FERMT2: variants seen among roughly 807,000 people sequenced by gnomAD.
The protein encoded by FERMT2 is FERM domain containing kindlin 2.
Under a neutral mutation model 82.7 loss-of-function variants are expected in FERMT2, and 15 were observed. That is an observed-to-expected ratio of 0.18 (90% CI 0.12 to 0.28). The LOEUF is 0.28. FERMT2 is among the 10% of genes least tolerant of loss of function. FERMT2 has a pLI of 1.00. For missense variants in FERMT2, 645 were observed against 809.4 expected (o/e 0.80, Z 2.46); for synonymous variants, 274 against 271.5 (o/e 1.01, Z -0.09).
At chr14:52,906,354 T>A (rs961447939) in intron 3 of FERMT2, among the ~76,000 whole-genome samples, 1 of 152,202 alleles carries the variant, frequency 6.6e-6, no homozygotes, top group African/African-American at 2.4e-5. Flanking sequence ...CCCAGAAGAC[T>A]ATGACCTCAG....
intron 4 of FERMT2, among the ~76,000 whole-genome samples, chr14:52,890,573 T>C (rs954589306): frequency 2.6e-5 from 4 of 151,866 alleles, no homozygotes; most frequent in African/African-American, 9.7e-5. Flanking sequence ...TTTCTTACTA[T>C]GTCACAATAT....
intron 3 of FERMT2, among the ~76,000 whole-genome samples, chr14:52,912,166 C>T (rs1011367260): frequency 4.6e-5 from 7 of 152,136 alleles, no homozygotes; most frequent in African/African-American, 1.7e-4. Flanking sequence ...TTTTATGTAC[C>T]TCCTAGATTT....
chr14:52,928,938 C>T (rs1889435313), intron 2 of FERMT2, among the ~76,000 whole-genome samples: 1 of 152,154 alleles, frequency 6.6e-6, no homozygotes, highest in African/African-American at 2.4e-5. Context: ...GAACCGTGTG[C>T]TTCTTTCCTT....
chr14:52,913,500 C>T (rs1888441134), intron 3 of FERMT2, among the ~76,000 whole-genome samples: 1 of 152,126 alleles, frequency 6.6e-6, no homozygotes, highest in African/African-American at 2.4e-5. Flanking sequence ...TTCTGATGTG[C>T]ACGTAACCTA....
At chr14:52,898,576 G>T (rs1887435252) in intron 3 of FERMT2, among the ~76,000 whole-genome samples, 1 of 152,094 alleles carries the variant, frequency 6.6e-6, no homozygotes, top group African/African-American at 2.4e-5. Flanking sequence ...AGATCTAATG[G>T]TTTATGAATT....
Position 52,892,159 on chromosome 14 carries a change from G to GGTTTTTTTTTTTTT in FERMT2, c.526+1133_526+1134insAAAAAAAAAAAAAC, listed in dbSNP as rs1555368978. 5.7e-4 allele frequency among the ~76,000 whole-genome samples: 45 copies of GGTTTTTTTTTTTTT among 78,816 alleles called. 2 individuals carry two copies. Among genetic ancestry groups the GGTTTTTTTTTTTTT allele is most frequent in the African/African-American group, 1.6e-3 (42 of 25,546 alleles). The allele number at this position is 78,816 out of a possible 152,430, so 51.7% of individuals were successfully genotyped here. ...GAATATGCAAAGCAGAGAGAAGGCTGTTTTTTGTTTTTTTTTTTTTTTTTT... is the reference window on the plus strand; with the variant it reads ...GAATATGCAAAGCAGAGAGAAGGCTGGTTTTTTTTTTTTTTTTTTTGTTTTTTTTTTTTTTTTTT... On this transcript the variant is annotated intron_variant, in intron 4 of 14. Coordinates refer to ENST00000341590, the MANE Select transcript of FERMT2 (RefSeq NM_006832.3).
intron 2 of FERMT2, among the ~76,000 whole-genome samples, chr14:52,941,488 T>G (rs1304201398): frequency 6.6e-6 from 1 of 152,164 alleles, no homozygotes; most frequent in Non-Finnish European, 1.5e-5. Flanking sequence ...ATTATGCAAC[T>G]AATTTGTTAA....
intron 3 of FERMT2, among the ~76,000 whole-genome samples, chr14:52,902,038 C>T (rs1887682856): frequency 6.6e-6 from 1 of 151,542 alleles, no homozygotes; most frequent in Admixed American, 6.6e-5. Flanking sequence ...ACACAACGTG[C>T]TTAATGAAGA....
intron 6 of FERMT2, among the ~76,000 whole-genome samples, chr14:52,879,708 C>G (rs987019494): frequency 2.0e-5 from 3 of 151,974 alleles, no homozygotes; most frequent in Non-Finnish European, 4.4e-5. Context: ...GTAAACATAA[C>G]ATTAAAATCT....
intron 2 of FERMT2, among the ~76,000 whole-genome samples, chr14:52,940,032 T>C (rs908342369): frequency 1.3e-5 from 2 of 152,216 alleles, no homozygotes; most frequent in African/African-American, 4.8e-5. Context: ...TAATTGATTT[T>C]TTAAATACCT....
In FERMT2 at chr14:52,950,405, TA is replaced by T. The variant is rs1566768866; in HGVS notation, c.157+6del. ...CATTAGTTGGACGCGGCTGGGATGC[TA>T]CTCACCGAGTTTCTCCACCAGCTTA... On this transcript the variant is annotated splice_donor_region_variant and intron_variant, in intron 2 of 14. Transcript: ENST00000341590. 1.2e-6 allele frequency: 2 copies of T among 1,612,124 alleles called. No individual in the cohort carries two copies. The highest frequency in any genetic ancestry group is 2.7e-5 in the African/African-American group (2 of 74,834).
chr14:52,939,693 G>A lies in FERMT2; in HGVS notation c.157+10719C>T, dbSNP rs569287178. On this transcript the variant is annotated intron_variant, in intron 2 of 14. Transcript: ENST00000341590. ...TATATGGTCAAGTCAGGATTCTGAC[G>A]TGGGTGGGCTGCCTCTCAGTCTATG... Among the ~76,000 whole-genome samples, 9 of 152,316 alleles carry A rather than the reference G, an allele frequency of 5.9e-5. No individual in the cohort carries two copies. In the South Asian group the frequency reaches 1.2e-3, roughly 21 times the overall value.
intron 4 of FERMT2, among the ~76,000 whole-genome samples, chr14:52,886,489 C>T (rs1468037866): frequency 6.6e-6 from 1 of 152,184 alleles, no homozygotes; most frequent in African/African-American, 2.4e-5. Flanking sequence ...CACCACAACG[C>T]CCAGCTCTGG....
At position 52,877,574 on chromosome 14, in the gene FERMT2, C is replaced by CTTTTTTTTTT. The variant is rs34676786; in HGVS notation, c.963+998_963+1007dup. On this transcript the variant is annotated intron_variant, in intron 7 of 14. Transcript: ENST00000341590. ...CTAAGGTGAAAATTAGCTGTTCTTGCTTTTTTTTTTTTTTTTTTTTTTTTG... is the reference window on the plus strand; with the variant it reads ...CTAAGGTGAAAATTAGCTGTTCTTGCTTTTTTTTTTTTTTTTTTTTTTTTTTTTTTTTTTG... 3.3e-3 allele frequency among the ~76,000 whole-genome samples: 223 copies of CTTTTTTTTTT among 67,062 alleles called. 50 individuals carry two copies. Among genetic ancestry groups the CTTTTTTTTTT allele is most frequent in the East Asian group, 6.1e-3 (10 of 1,638 alleles). The allele number at this position is 67,062 out of a possible 152,430, so 44.0% of individuals were successfully genotyped here.
chr14:52,881,906 A>G, intron 4 of FERMT2: 1 of 563,700 alleles, frequency 1.8e-6, no homozygotes, highest in Non-Finnish European at 2.7e-6. Context: ...GAATGAAAAG[A>G]AAATGAGAAA....
intron 2 of FERMT2, among the ~76,000 whole-genome samples, chr14:52,937,622 G>A (rs1388335454): frequency 6.6e-6 from 1 of 152,148 alleles, no homozygotes; most frequent in Non-Finnish European, 1.5e-5. Flanking sequence ...CTCATATTGA[G>A]AGCCGGGACT....
intron 2 of FERMT2, among the ~76,000 whole-genome samples, chr14:52,944,292 A>G (rs1212524823): frequency 6.6e-6 from 1 of 152,230 alleles, no homozygotes; most frequent in Admixed American, 6.5e-5. Context: ...AGATTTAAAA[A>G]AATTTCTTAT....
chr14:52,948,528 G>C (rs559529059), intron 2 of FERMT2: 2 of 452,824 alleles, frequency 4.4e-6, no homozygotes, highest in Non-Finnish European at 8.8e-6. Flanking sequence ...GTTCAGAAAA[G>C]ATGTAAGGTT....
At chr14:52,866,006 G>C (rs1885258144) in intron 10 of FERMT2, among the ~76,000 whole-genome samples, 1 of 152,076 alleles carries the variant, frequency 6.6e-6, no homozygotes, top group South Asian at 2.1e-4. Context: ...CATGTGTGAC[G>C]AACTGTTTAA....
Sources: gnomAD v4.1 joint callset for allele counts (sites outside exome capture counted in the v4.1 genomes callset) on GRCh38, gnomAD v4.1.1 for gene constraint, MANE v1.5 for transcripts, NCBI Gene and HGNC (gene_info 2026-07-23, HGNC 2026-07-21) for gene names.